The following CCSER1 variants were observed in gnomAD, a reference collection of about 807,000 sequenced individuals.
CCSER1 encodes serine-rich coiled-coil domain-containing protein 1.
A neutral mutation model predicts 82.0 loss-of-function variants in CCSER1; 41 were observed. The ratio of observed to expected loss-of-function variants is 0.50; its 90% CI spans 0.39 to 0.65. The LOEUF is 0.65. Ranked by LOEUF, CCSER1 falls within the 30% of genes least tolerant of loss-of-function variation. CCSER1 has a pLI of 0.00. For synonymous variants in CCSER1, 414 were observed against 383.9 expected (o/e 1.08, Z -0.92); for missense variants, 1,119 against 1,064.2 (o/e 1.05, Z -0.72).
At chr4:90,963,805 A>G (rs1456191339) in intron 9 of CCSER1, among the ~76,000 whole-genome samples, 1 of 152,244 alleles carries the variant, frequency 6.6e-6, no homozygotes. Flanking sequence ...GGCTGCCTTT[A>G]GCAAACTAAC....
chr4:91,432,539 C>T (rs868586065), intron 10 of CCSER1, among the ~76,000 whole-genome samples: 1 of 152,058 alleles, frequency 6.6e-6, no homozygotes, highest in Non-Finnish European at 1.5e-5. Flanking sequence ...GTTTCCTATA[C>T]CCTCATCTAG....
intron 5 of CCSER1, among the ~76,000 whole-genome samples, chr4:90,565,492 G>C (rs1399968298): frequency 6.6e-6 from 1 of 152,024 alleles, no homozygotes; most frequent in East Asian, 1.9e-4. Context: ...TTCCAATTTA[G>C]ATGATTTTTA....
intron 10 of CCSER1, among the ~76,000 whole-genome samples, chr4:91,383,735 G>A (rs1206306617): frequency 6.6e-6 from 1 of 152,052 alleles, no homozygotes; most frequent in Admixed American, 6.6e-5. Flanking sequence ...TTCTTATTGA[G>A]GGTGGGAGGG....
At chr4:90,956,756 T>C (rs975982539) in intron 9 of CCSER1, among the ~76,000 whole-genome samples, 1 of 147,030 alleles carries the variant, frequency 6.8e-6, no homozygotes, top group Admixed American at 7.1e-5. Context: ...TCTTTTCTTT[T>C]CTTCCTCTTC....
intron 5 of CCSER1, among the ~76,000 whole-genome samples, chr4:90,497,238 T>C (rs1365381023): frequency 3.9e-5 from 6 of 152,158 alleles, no homozygotes; most frequent in Admixed American, 3.9e-4. Context: ...TGTCCTTGCT[T>C]TGATTTAATT....
At chr4:91,571,256 A>G (rs538642311) in intron 10 of CCSER1, among the ~76,000 whole-genome samples, 6 of 152,084 alleles carry the variant, frequency 3.9e-5, no homozygotes, top group South Asian at 2.1e-4. Context: ...ACATTTTCCT[A>G]TCTTCTTCTG....
chr4:91,248,989 G>C (rs1740042453), intron 10 of CCSER1, among the ~76,000 whole-genome samples: 1 of 152,076 alleles, frequency 6.6e-6, no homozygotes, highest in Non-Finnish European at 1.5e-5. Flanking sequence ...CTTTGCCATA[G>C]AGCTCTTTAT....
chr4:91,220,361 C>T (rs540295946), intron 10 of CCSER1, among the ~76,000 whole-genome samples: 1 of 152,266 alleles, frequency 6.6e-6, no homozygotes, highest in South Asian at 2.1e-4. Context: ...ACAGATGGGA[C>T]AAGGAATTTA....
intron 10 of CCSER1, among the ~76,000 whole-genome samples, chr4:91,344,143 C>T (rs1230339244): frequency 6.6e-6 from 1 of 152,096 alleles, no homozygotes; most frequent in African/African-American, 2.4e-5. Context: ...AGGGCTTCGC[C>T]AGCTGAATGT....
At chr4:91,087,429 G>A (rs1723497177) in intron 10 of CCSER1, among the ~76,000 whole-genome samples, 1 of 152,020 alleles carries the variant, frequency 6.6e-6, no homozygotes, top group Non-Finnish European at 1.5e-5. Flanking sequence ...TATTGAAAGA[G>A]TGGCTCTTAA....
chr4:91,136,124 C>T (rs1378597535), intron 10 of CCSER1, among the ~76,000 whole-genome samples: 1 of 152,112 alleles, frequency 6.6e-6, no homozygotes, highest in Non-Finnish European at 1.5e-5. Flanking sequence ...TCCAAAATTC[C>T]TCATCTGATG....
chr4:90,844,039 A>G (rs1027983828), intron 8 of CCSER1, among the ~76,000 whole-genome samples: 3 of 152,124 alleles, frequency 2.0e-5, no homozygotes, highest in East Asian at 3.9e-4. Context: ...ATTACACACT[A>G]TACATTCTCC....
At chr4:91,081,620 AT>A (rs1254340380) in intron 9 of CCSER1, among the ~76,000 whole-genome samples, 5 of 152,138 alleles carry the variant, frequency 3.3e-5, no homozygotes, top group Non-Finnish European at 5.9e-5. Context: ...AGGAAGTCAA[AT>A]TGTCCCTGTT....
At chr4:90,137,246 T>C (rs1225306347) in intron 1 of CCSER1, among the ~76,000 whole-genome samples, 2 of 152,220 alleles carry the variant, frequency 1.3e-5, no homozygotes, top group African/African-American at 4.8e-5. Context: ...TACACAGGTA[T>C]ATAAACTTTT....
chr4:90,776,986 T>A (rs1388958479), intron 7 of CCSER1, among the ~76,000 whole-genome samples: 1 of 152,158 alleles, frequency 6.6e-6, no homozygotes, highest in East Asian at 1.9e-4. Flanking sequence ...AGATAGGCAC[T>A]CAGAAGGTAT....
At chr4:90,324,444 G>GT (rs1184595727) in intron 3 of CCSER1, among the ~76,000 whole-genome samples, 2 of 147,070 alleles carry the variant, frequency 1.4e-5, no homozygotes, top group Non-Finnish European at 3.0e-5. Context: ...TTTTTCATGT[G>GT]TTTTTTGGCT....
chr4:91,189,863 G>T (rs967242237), intron 10 of CCSER1, among the ~76,000 whole-genome samples: 3 of 151,994 alleles, frequency 2.0e-5, no homozygotes, highest in Admixed American at 6.6e-5. Flanking sequence ...TTAATTGAGA[G>T]ATTTGAGTTT....
At chr4:90,159,212 T>C (rs192032458) in intron 1 of CCSER1, among the ~76,000 whole-genome samples, 6 of 152,164 alleles carry the variant, frequency 3.9e-5, no homozygotes, top group East Asian at 1.9e-4. Context: ...TTTATTATTA[T>C]TATTATTATT....
chr4:91,169,265 C>G (rs1011148681), intron 10 of CCSER1, among the ~76,000 whole-genome samples: 1 of 150,806 alleles, frequency 6.6e-6, no homozygotes, highest in Admixed American at 6.6e-5. Flanking sequence ...TCCACATGTC[C>G]TCTAATTTCT....
Sources: gnomAD v4.1 joint callset for allele counts (sites outside exome capture counted in the v4.1 genomes callset) on GRCh38, gnomAD v4.1.1 for gene constraint, MANE v1.5 for transcripts, NCBI Gene and HGNC (gene_info 2026-07-23, HGNC 2026-07-21) for gene names.